Variants in ZBTB16 observed in about 807,000 individuals in gnomAD.
ZBTB16 encodes zinc finger and BTB domain-containing protein 16.
In ZBTB16, 8 loss-of-function variants were observed where a neutral mutation model predicts 56.8. The observed-to-expected ratio is 0.14, with a 90% CI of 0.08 to 0.25. The LOEUF (loss-of-function observed/expected upper bound fraction) is 0.25. ZBTB16 is among the 10% of genes least tolerant of loss of function. The probability of loss-of-function intolerance (pLI) is 1.00; values close to 1 mark genes in which losing one functional copy is unlikely to be tolerated. For synonymous variants in ZBTB16, 363 were observed against 368.5 expected, an observed-to-expected ratio of 0.98 and a Z score of 0.17; for missense variants, 625 against 903.0, an observed-to-expected ratio of 0.69 and a Z score of 3.95.
At chr11:114,204,645 C>G (rs1943814569) in intron 4 of ZBTB16, among the ~76,000 whole-genome samples, 1 of 152,104 alleles carries the variant, frequency 6.6e-6, no homozygotes, top group Non-Finnish European at 1.5e-5. Flanking sequence ...ATCCAGAGGA[C>G]CTTCCAGGGG....
At chr11:114,134,049 AGCTGGTT>A (rs1941736762) in intron 2 of ZBTB16, among the ~76,000 whole-genome samples, 1 of 152,194 alleles carries the variant, frequency 6.6e-6, no homozygotes, top group Non-Finnish European at 1.5e-5. Flanking sequence ...ACGGGAGCAC[AGCTGGTT>A]GTGTCTCAAC....
At chr11:114,079,018 G>A (rs1791800) in intron 2 of ZBTB16, among the ~76,000 whole-genome samples, 25,234 of 151,262 alleles carry the variant, frequency 0.17, 2,201 homozygotes, top group Middle Eastern at 0.29. Context: ...AGAGGCTGAG[G>A]CAGGAAAATT....
intron 3 of ZBTB16, among the ~76,000 whole-genome samples, chr11:114,175,142 A>G (rs1029461089): frequency 1.3e-5 from 2 of 152,196 alleles, no homozygotes; most frequent in Admixed American, 1.3e-4. Context: ...TCACTCAGAA[A>G]TGGGACTGTA....
chr11:114,213,570 G>A lies in ZBTB16; in HGVS notation c.1453+26532G>A, dbSNP rs546282901. Among the ~76,000 whole-genome samples, 49 of 152,308 alleles carry A rather than the reference G, an allele frequency of 3.2e-4. 1 individual carries two copies. The South Asian group carries it at 9.1e-3, about 28-fold the overall frequency. On this transcript the variant is annotated intron_variant, in intron 4 of 6. Coordinates refer to ENST00000335953, the MANE Select transcript of ZBTB16 (RefSeq NM_006006.6). ...ATTAGATTCTCACTGAAGTCACTGG[G>A]TGCCACAAACTGTGCCAGTGCTTAC... is the stretch of plus-strand genomic sequence containing the variant.
At position 114,233,080 on chromosome 11, in the gene ZBTB16, C is replaced by CGT. The variant is rs1481310145; in HGVS notation, c.1454-9086_1454-9085insTG. Among the ~76,000 whole-genome samples the CGT allele has an allele frequency of 2.4e-3, 119 of 50,200 alleles. 1 individual carries two copies. Among genetic ancestry groups the CGT allele is most frequent in the African/African-American group, 7.4e-3 (108 of 14,538 alleles). 32.9% of individuals were successfully genotyped at this position (50,200 alleles called of 152,430 possible). ...GCACATACGCATGCGCGCGCGCGCGCGCACACACACACACACACACACACA... is the reference window on the plus strand; with the variant it reads ...GCACATACGCATGCGCGCGCGCGCGCGTGCACACACACACACACACACACACA... On this transcript the variant is annotated intron_variant, in intron 4 of 6. Transcript: ENST00000335953.
rs570538309 is a variant in ZBTB16, at chr11:114,090,310, G to A, written c.1268+25742G>A. On this transcript the variant is annotated intron_variant, in intron 2 of 6. Coordinates refer to ENST00000335953, the MANE Select transcript of ZBTB16 (RefSeq NM_006006.6). Reference sequence around the variant, plus strand: ...GGTGTCTGAGGCCTGATGGTGTTGGGGAATGTCCTGGTTCTATTCCCAGGG... The same window carrying A: ...GGTGTCTGAGGCCTGATGGTGTTGGAGAATGTCCTGGTTCTATTCCCAGGG... 9.2e-5 allele frequency among the ~76,000 whole-genome samples: 14 copies of A among 152,300 alleles called. No individual in the cohort carries two copies. The South Asian group carries it at 2.7e-3, about 29-fold the overall frequency.
intron 4 of ZBTB16, among the ~76,000 whole-genome samples, chr11:114,228,366 G>C (rs193150233): frequency 1.3e-5 from 2 of 152,278 alleles, no homozygotes; most frequent in Admixed American, 6.5e-5. Context: ...AAGTCTACCG[G>C]TGACCAAGTA....
At chr11:114,103,145 G>A in intron 2 of ZBTB16, among the ~76,000 whole-genome samples, 1 of 152,252 alleles carries the variant, frequency 6.6e-6, no homozygotes, top group East Asian at 1.9e-4. Flanking sequence ...AGGTTCGACT[G>A]TAAGGGCTGA....
At position 114,096,804 on chromosome 11, in the gene ZBTB16, C is replaced by A. The variant is rs926708785; in HGVS notation, c.1268+32236C>A. Among the ~76,000 whole-genome samples, 4 of 152,158 alleles carry A rather than the reference C, an allele frequency of 2.6e-5. No homozygotes were observed. In the South Asian group the frequency reaches 6.2e-4, roughly 24 times the overall value. On this transcript the variant is annotated intron_variant, in intron 2 of 6. Coordinates refer to ENST00000335953, the MANE Select transcript of ZBTB16 (RefSeq NM_006006.6). Reference sequence around the variant, plus strand: ...CAGCGACATTGTTGACTTCAGTTTTCTAATCTAATTCTTTTTTTCTTTTTT... The same window carrying A: ...CAGCGACATTGTTGACTTCAGTTTTATAATCTAATTCTTTTTTTCTTTTTT...
At chr11:114,155,449 G>C (rs1275913241) in intron 2 of ZBTB16, among the ~76,000 whole-genome samples, 1 of 148,230 alleles carries the variant, frequency 6.7e-6, no homozygotes, top group Non-Finnish European at 1.5e-5. Flanking sequence ...GGTCTGGTGG[G>C]AGAGGCCCCG....
At chr11:114,183,419 C>G (rs1465966657) in intron 3 of ZBTB16, among the ~76,000 whole-genome samples, 1 of 152,314 alleles carries the variant, frequency 6.6e-6, no homozygotes, top group South Asian at 2.1e-4. Context: ...CCTTTATTTC[C>G]TACCTGGCCT....
intron 4 of ZBTB16, chr11:114,210,503 C>G (rs1018030103): frequency 4.3e-6 from 1 of 231,972 alleles, no homozygotes; most frequent in African/African-American, 2.2e-5. Flanking sequence ...AGCCCTCTTG[C>G]TAAGCTACAG....
chr11:114,233,271 G>A (rs967517938), intron 4 of ZBTB16, among the ~76,000 whole-genome samples: 1 of 151,948 alleles, frequency 6.6e-6, no homozygotes, highest in Non-Finnish European at 1.5e-5. Flanking sequence ...GGTACCAGCG[G>A]AGGATATTAG....
intron 2 of ZBTB16, among the ~76,000 whole-genome samples, chr11:114,099,261 A>G (rs1161658197): frequency 6.6e-6 from 1 of 152,186 alleles, no homozygotes; most frequent in Non-Finnish European, 1.5e-5. Flanking sequence ...TTACACTTCT[A>G]AACAGTGGTC....
intron 3 of ZBTB16, among the ~76,000 whole-genome samples, chr11:114,184,173 T>G (rs1488305306): frequency 6.6e-6 from 1 of 152,232 alleles, no homozygotes; most frequent in East Asian, 1.9e-4. Context: ...CTAGAGTATA[T>G]CCTGCTCATC....
intron 2 of ZBTB16, among the ~76,000 whole-genome samples, chr11:114,133,781 A>C (rs1337891091): frequency 6.6e-6 from 1 of 152,222 alleles, no homozygotes; most frequent in East Asian, 1.9e-4. Flanking sequence ...CAGGTGTTCC[A>C]CTGGGTTGGC....
intron 4 of ZBTB16, chr11:114,209,275 T>A (rs1943950585): frequency 3.4e-6 from 2 of 596,432 alleles, no homozygotes; most frequent in Non-Finnish European, 4.2e-6. Flanking sequence ...GGAGAAGGAT[T>A]TGCTGGCCAT....
At position 114,235,205 on chromosome 11, in the gene ZBTB16, G is replaced by A. The variant is rs57536448; in HGVS notation, c.1454-6962G>A. On this transcript the variant is annotated intron_variant, in intron 4 of 6. Transcript: ENST00000335953. ...GGTTGGGTAGGATTGGACGTGAGAAGCCCCTCCGGGGTACATGTGCATGCA... is the reference window on the plus strand; with the variant it reads ...GGTTGGGTAGGATTGGACGTGAGAAACCCCTCCGGGGTACATGTGCATGCA... Among the ~76,000 whole-genome samples, 506 of 152,298 alleles carry A rather than the reference G, an allele frequency of 3.3e-3. 4 individuals are homozygous for A. Among genetic ancestry groups the A allele is most frequent in the African/African-American group, 0.012 (484 of 41,558 alleles).
chr11:114,128,093 A>G (rs570346812), intron 2 of ZBTB16, among the ~76,000 whole-genome samples: 3 of 152,270 alleles, frequency 2.0e-5, no homozygotes, highest in Non-Finnish European at 4.4e-5. Context: ...GCTCAGTTTG[A>G]TAGACTTTGG....
Sources: allele counts gnomAD v4.1 joint callset (sites outside exome capture counted in the v4.1 genomes callset), GRCh38; gene constraint gnomAD v4.1.1; transcripts MANE v1.5; gene names NCBI Gene and HGNC (gene_info 2026-07-23, HGNC 2026-07-21).